Variants in UGT1A7 observed in about 807,000 individuals in gnomAD.
UGT1A7 encodes the protein UDP-glucuronosyltransferase 1A7.
A neutral mutation model predicts 45.6 loss-of-function variants in UGT1A7; 33 were observed. The observed-to-expected ratio is 0.72, with a 90% CI of 0.55 to 0.97. The LOEUF (loss-of-function observed/expected upper bound fraction) is 0.97. Ranked by LOEUF, UGT1A7 falls within the 50% of genes least tolerant of loss-of-function variation. The pLI is 0.00. For synonymous variants in UGT1A7, 274 were observed against 250.6 expected, an observed-to-expected ratio of 1.09 and a Z score of -0.88; for missense variants, 684 against 666.2, an observed-to-expected ratio of 1.03 and a Z score of -0.29.
rs145403444 is a variant in UGT1A7 at position 233,729,793 on chromosome 2, A to G, written c.856-37241A>G. ...GCTCTACCCTCTGGCCCTGTCCTAC[A>G]TTTGCCATGCTTTTTCTGCTCCTTA... On this transcript the variant is annotated intron_variant, in intron 1 of 4. Coordinates refer to ENST00000373426, the MANE Select transcript of UGT1A7 (RefSeq NM_019077.3). The G allele has an allele frequency of 5.0e-6, 8 of 1,613,536 alleles. No individual in the cohort carries two copies. In the African/African-American group the frequency reaches 9.4e-5, roughly 19 times the overall value.
chr2:233,712,695 C>T (rs2076249622), intron 1 of UGT1A7, among the ~76,000 whole-genome samples: 1 of 152,134 alleles, frequency 6.6e-6, no homozygotes, highest in Non-Finnish European at 1.5e-5. Flanking sequence ...TGGGGGTTCA[C>T]AGCCTTGTGT....
At chr2:233,731,691 A>C (rs2078192631) in intron 1 of UGT1A7, among the ~76,000 whole-genome samples, 1 of 152,178 alleles carries the variant, frequency 6.6e-6, no homozygotes, top group Non-Finnish European at 1.5e-5. Flanking sequence ...TCATTGATGG[A>C]CATTTGGATT....
At chr2:233,686,180 A>G (rs137930164) in intron 1 of UGT1A7, among the ~76,000 whole-genome samples, 1 of 152,272 alleles carries the variant, frequency 6.6e-6, no homozygotes, top group African/African-American at 2.4e-5. Context: ...AAAATCTAAA[A>G]CTGTAAAACT....
chr2:233,754,958 A>G (rs750600568), intron 1 of UGT1A7: 19 of 1,315,144 alleles, frequency 1.4e-5, no homozygotes, highest in South Asian at 1.4e-4. Flanking sequence ...CCCGGCCGCC[A>G]AAGAACTCCC....
Position 233,769,516 on chromosome 2 carries a change from G to C in UGT1A7, c.1295+1077G>C. 1 of 1,612,814 alleles carries C rather than the reference G, an allele frequency of 6.2e-7. No individual in the cohort carries two copies. Reference sequence around the variant, plus strand: ...GAGAGTGTCCATTGCTTTCTCCCATGGTTACCTCCTTTAGAAAGAAGCAGC... The same window carrying C: ...GAGAGTGTCCATTGCTTTCTCCCATCGTTACCTCCTTTAGAAAGAAGCAGC... On this transcript the variant is annotated intron_variant, in intron 4 of 4. Coordinates refer to ENST00000373426, the MANE Select transcript of UGT1A7 (RefSeq NM_019077.3). The surrounding 1 kb of genome is among the most constrained non-coding windows in gnomAD (Gnocchi z 4.4).
rs561946796 is a variant in UGT1A7, at chr2:233,772,692, G to A, written c.*133G>A. Reference sequence around the variant, plus strand: ...TGCATAAATTAATCAGCCCCAGAGTGCTTTAAAAAATTCTCTTAAATAAAA... The same window carrying A: ...TGCATAAATTAATCAGCCCCAGAGTACTTTAAAAAATTCTCTTAAATAAAA... On this transcript the variant is annotated 3_prime_UTR_variant, in exon 5 of 5. Coordinates refer to ENST00000373426, the MANE Select transcript of UGT1A7 (RefSeq NM_019077.3). 1.0e-4 allele frequency: 156 copies of A among 1,485,828 alleles called. No homozygotes were observed. In the South Asian group the frequency reaches 1.7e-3, roughly 16 times the overall value. 92.0% of individuals were successfully genotyped at this position (1,485,828 alleles called of 1,614,324 possible). A position where few individuals can be genotyped will look rare whatever the true frequency, so the allele number is the denominator to read the frequency against.
chr2:233,731,860 A>G (rs2078213759), intron 1 of UGT1A7, among the ~76,000 whole-genome samples: 1 of 152,222 alleles, frequency 6.6e-6, no homozygotes, highest in Non-Finnish European at 1.5e-5. Context: ...GAATCGCCAC[A>G]CTGTCTTCCA....
In UGT1A7 at chr2:233,768,384, G is replaced by A; in HGVS notation, c.1240G>A (p.Glu414Lys). 2 of 1,614,136 alleles carry A rather than the reference G, an allele frequency of 1.2e-6. No individual in the cohort carries two copies. Among genetic ancestry groups the A allele is most frequent in the Non-Finnish European group, 1.7e-6 (2 of 1,180,028 alleles). ...KGAGVTLNVLEMTSEDLENAL... is the reference protein window; with the variant it reads ...KGAGVTLNVLKMTSEDLENAL... ...AGCTGGAGTGACCCTGAATGTTCTGGAAATGACTTCTGAAGATTTAGAAAA... is the reference window on the plus strand; with the variant it reads ...AGCTGGAGTGACCCTGAATGTTCTGAAAATGACTTCTGAAGATTTAGAAAA... The change falls in exon 4 of 5, where the codon GAA becomes AAA. Residue 414 changes from glutamate (E) to lysine (K), a missense_variant. By Grantham distance (56) the Glu-to-Lys change is moderately conservative. Transcript: ENST00000373426.
At chr2:233,765,774 T>C (rs944173037) in intron 1 of UGT1A7, among the ~76,000 whole-genome samples, 1 of 152,060 alleles carries the variant, frequency 6.6e-6, no homozygotes, top group Non-Finnish European at 1.5e-5. Context: ...GGGGGATTCA[T>C]TGGACCACTG....
At chr2:233,696,793 T>C (rs781512293) in intron 1 of UGT1A7, among the ~76,000 whole-genome samples, 5 of 152,308 alleles carry the variant, frequency 3.3e-5, no homozygotes, top group Middle Eastern at 3.4e-3. Context: ...TTTTGAGGTA[T>C]GTTCCTTCTG....
intron 1 of UGT1A7, among the ~76,000 whole-genome samples, chr2:233,745,961 G>C (rs1163113013): frequency 6.6e-6 from 1 of 151,702 alleles, no homozygotes; most frequent in Non-Finnish European, 1.5e-5. Context: ...TGGGGGACAG[G>C]GGCCCTGAAA....
At chr2:233,743,661 G>C in intron 1 of UGT1A7, 1 of 1,367,236 alleles carries the variant, frequency 7.3e-7, no homozygotes, top group Non-Finnish European at 9.8e-7. Flanking sequence ...TACTCGAAGG[G>C]GTCCTCGAAG....
Position 233,719,177 on chromosome 2 carries a change from T to C in UGT1A7, c.855+36385T>C, listed in dbSNP as rs779768748. Reference sequence around the variant, plus strand: ...CTAGAAGTATGGCAATTATGAACAATGTATCTTTGGCCCTTCATAGGTGTT... The same window carrying C: ...CTAGAAGTATGGCAATTATGAACAACGTATCTTTGGCCCTTCATAGGTGTT... On this transcript the variant is annotated intron_variant, in intron 1 of 4. Transcript: ENST00000373426. The C allele has an allele frequency of 1.1e-5, 17 of 1,614,142 alleles. No homozygotes were observed. In the East Asian group the frequency reaches 3.6e-4, roughly 34 times the overall value.
chr2:233,755,024 G>A (rs533329516), intron 1 of UGT1A7: 16 of 1,306,402 alleles, frequency 1.2e-5, no homozygotes, highest in Non-Finnish European at 1.7e-5. Flanking sequence ...GGTCCTTGAA[G>A]GGCCTGCCGC....
intron 1 of UGT1A7, chr2:233,747,341 C>T: frequency 6.2e-7 from 1 of 1,603,526 alleles, no homozygotes; most frequent in Non-Finnish European, 8.5e-7. Flanking sequence ...CACTGGCTCG[C>T]ATGCGGGAGG....
intron 1 of UGT1A7, chr2:233,760,236 A>G: frequency 1.3e-6 from 2 of 1,590,176 alleles, no homozygotes; most frequent in Non-Finnish European, 1.7e-6. Context: ...TTTTTGCCAT[A>G]TATATATATA....
intron 1 of UGT1A7, among the ~76,000 whole-genome samples, chr2:233,702,315 T>G (rs2075680804): frequency 6.6e-6 from 1 of 152,230 alleles, no homozygotes; most frequent in Non-Finnish European, 1.5e-5. Context: ...ATCTTGTACT[T>G]CAACATTTCT....
intron 1 of UGT1A7, among the ~76,000 whole-genome samples, chr2:233,736,572 C>T (rs1006388510): frequency 1.3e-5 from 2 of 152,202 alleles, no homozygotes; most frequent in Non-Finnish European, 2.9e-5. Flanking sequence ...GAGCTGTGAT[C>T]CTTTGGAGGA....
intron 1 of UGT1A7, chr2:233,747,287 G>A: frequency 6.2e-7 from 1 of 1,601,492 alleles, no homozygotes; most frequent in Admixed American, 1.7e-5. Context: ...GCCCAGCCCT[G>A]GGCTGAGAGT....
Sources: allele counts gnomAD v4.1 joint callset (sites outside exome capture counted in the v4.1 genomes callset), GRCh38; gene constraint gnomAD v4.1.1; non-coding constraint Gnocchi (gnomAD v3.1); transcripts MANE v1.5; gene names NCBI Gene and HGNC (gene_info 2026-07-23, HGNC 2026-07-21).